Variants in ATG4A observed in about 807,000 individuals in gnomAD.
ATG4A encodes cysteine protease ATG4A.
Under a neutral mutation model 38.4 loss-of-function variants are expected in ATG4A, and 22 were observed. The observed-to-expected ratio is 0.57, with a 90% CI of 0.41 to 0.82. ATG4A has a LOEUF of 0.82. ATG4A is among the 40% of genes least tolerant of loss of function. The pLI, the probability that ATG4A is intolerant of heterozygous loss-of-function variation, is 0.00. For synonymous variants in ATG4A, 86 were observed against 100.7 expected (o/e 0.85, Z 0.88); for missense variants, 220 against 290.0 (o/e 0.76, Z 1.75).
chrX:108,118,333 T>C (rs192782203), intron 1 of ATG4A, among the ~76,000 whole-genome samples: 54 of 111,511 alleles, frequency 4.8e-4, no homozygotes, highest in Middle Eastern at 9.2e-3. Context: ...GAATCCAGCT[T>C]TTTTTTTCAT....
intron 4 of ATG4A, among the ~76,000 whole-genome samples, chrX:108,132,798 G>GAA (rs1336061229): frequency 2.7e-4 from 19 of 71,223 alleles, no homozygotes; most frequent in East Asian, 2.3e-3. Flanking sequence ...GAGCAAACTG[G>GAA]AAAAAAAAAA....
chrX:108,133,505 TGG>T (rs1047946228), intron 4 of ATG4A, among the ~76,000 whole-genome samples: 5 of 112,374 alleles, frequency 4.4e-5, no homozygotes, highest in African/African-American at 1.6e-4. Flanking sequence ...TTTTAAAAGG[TGG>T]TGTAAAAACG....
chrX:108,107,875 G>A (rs954715329), intron 1 of ATG4A, among the ~76,000 whole-genome samples: 2 of 111,022 alleles, frequency 1.8e-5, no homozygotes, highest in Non-Finnish European at 3.8e-5. Flanking sequence ...ATCATATGCC[G>A]GGGGACTCAT....
At chrX:108,147,265 C>G (rs2033447187) in intron 9 of ATG4A, among the ~76,000 whole-genome samples, 1 of 111,549 alleles carries the variant, frequency 9.0e-6, no homozygotes, top group South Asian at 3.8e-4. Context: ...AGGCTGATGA[C>G]AGCATGGGCC....
chrX:108,153,599 A>G lies in ATG4A; in HGVS notation c.1127-43A>G, dbSNP rs5973821. 3,082 of 1,085,784 alleles carry G rather than the reference A, an allele frequency of 2.8e-3. 54 individuals are homozygous for G. The African/African-American group carries it at 0.048, about 17-fold the overall frequency. 89.5% of individuals were successfully genotyped at this position (1,085,784 alleles called of 1,213,427 possible). On this transcript the variant is annotated intron_variant, in intron 12 of 12. Transcript: ENST00000372232. ...AAGTATTTACTGACCACTTCAACCC[A>G]AGTGTCAAGCTTTTCTTCTTTCTCA...
chrX:108,135,909 G>A (rs997861148), intron 6 of ATG4A, among the ~76,000 whole-genome samples: 4 of 108,664 alleles, frequency 3.7e-5, no homozygotes, highest in African/African-American at 6.7e-5. Context: ...TCAGCCTCCC[G>A]AGTAGCTGGG....
intron 2 of ATG4A, chrX:108,126,696 G>C: frequency 1.1e-6 from 1 of 916,874 alleles, no homozygotes; most frequent in Non-Finnish European, 1.4e-6. Flanking sequence ...CCGTAGCACT[G>C]TCTCAGTTTA....
At chrX:108,130,232 G>A in intron 3 of ATG4A, among the ~76,000 whole-genome samples, 1 of 111,206 alleles carries the variant, frequency 9.0e-6, no homozygotes, top group East Asian at 2.8e-4. Context: ...TGACCCACTT[G>A]TCCTACAAGG....
intron 1 of ATG4A, among the ~76,000 whole-genome samples, chrX:108,113,021 A>T (rs2032405138): frequency 9.0e-6 from 1 of 111,016 alleles, no homozygotes; most frequent in Admixed American, 9.6e-5. Context: ...AGGCTTCTTC[A>T]TTGGACTTGA....
At chrX:108,121,057 A>T (rs1452243680) in intron 1 of ATG4A, among the ~76,000 whole-genome samples, 1 of 112,037 alleles carries the variant, frequency 8.9e-6, no homozygotes, top group African/African-American at 3.2e-5. Flanking sequence ...AATCCACTTG[A>T]AATGCTAAGA....
intron 1 of ATG4A, among the ~76,000 whole-genome samples, chrX:108,122,190 A>C (rs2032670945): frequency 8.9e-6 from 1 of 112,323 alleles, no homozygotes; most frequent in Non-Finnish European, 1.9e-5. Flanking sequence ...GCCCTGTCAG[A>C]AAATTTGTTT....
Position 108,131,253 on chromosome X carries a change from C to G in ATG4A, c.194-7C>G, listed in dbSNP as rs777476911. The G allele has an allele frequency of 1.7e-5, 20 of 1,206,618 alleles. 1 individual carries two copies. The highest frequency in any genetic ancestry group is 2.1e-5 in the Non-Finnish European group (19 of 893,135). On this transcript the variant is annotated splice_polypyrimidine_tract_variant and splice_region_variant and intron_variant, in intron 3 of 12. Transcript: ENST00000372232. ...CCCATATTAATTCCCTTCCATTTTG[C>G]CAACAGGTGGAACGGGCCCTTCATC... is the stretch of plus-strand genomic sequence containing the variant.
intron 1 of ATG4A, among the ~76,000 whole-genome samples, chrX:108,102,689 T>C (rs917300193): frequency 1.8e-5 from 2 of 112,079 alleles, no homozygotes; most frequent in Non-Finnish European, 3.8e-5. Context: ...TATGTTTAAG[T>C]CTTTAATATA....
At chrX:108,127,762 A>G (rs1189806508) in intron 2 of ATG4A, among the ~76,000 whole-genome samples, 1 of 112,338 alleles carries the variant, frequency 8.9e-6, no homozygotes, top group African/African-American at 3.2e-5. Flanking sequence ...TTTTAAGTGC[A>G]GTGACTATAA....
At chrX:108,149,736 C>G (rs147149760) in intron 9 of ATG4A, among the ~76,000 whole-genome samples, 2,890 of 112,003 alleles carry the variant, frequency 0.026, 88 homozygotes, top group African/African-American at 0.09. Context: ...GGCTGAGAAC[C>G]AGCAGTCTAG....
rs369557333 is a variant in ATG4A at position 108,099,154 on chromosome X, T to C, written c.10+7318T>C. 1.2e-4 allele frequency among the ~76,000 whole-genome samples: 13 copies of C among 112,048 alleles called. No individual in the cohort carries two copies. The South Asian group carries it at 4.8e-3, about 41-fold the overall frequency. On this transcript the variant is annotated intron_variant, in intron 1 of 12. Coordinates refer to ENST00000372232, the MANE Select transcript of ATG4A (RefSeq NM_052936.5). ...TCTCCACATCCTTTCCAGCATTTGG[T>C]ATTCTCACTATTTTTTTTTTAAGTT...
chrX:108,136,170 GTTA>G (rs2033102719), intron 6 of ATG4A, among the ~76,000 whole-genome samples: 1 of 110,452 alleles, frequency 9.1e-6, no homozygotes, highest in African/African-American at 3.3e-5. Context: ...TTATATTATT[GTTA>G]TTATTCTGGG....
upstream of ATG4A, among the ~76,000 whole-genome samples, chrX:108,090,459 A>G (rs1487948454): frequency 1.8e-5 from 2 of 112,537 alleles, no homozygotes; most frequent in Non-Finnish European, 3.7e-5. Flanking sequence ...TTAAATTTAA[A>G]TCCTTAAATA....
chrX:108,118,355 A>G (rs980595532), intron 1 of ATG4A, among the ~76,000 whole-genome samples: 3 of 111,298 alleles, frequency 2.7e-5, no homozygotes, highest in Non-Finnish European at 5.7e-5. Context: ...ACAGCAATGT[A>G]TAGTGGGAAG....
Sources: allele counts gnomAD v4.1 joint callset (sites outside exome capture counted in the v4.1 genomes callset), GRCh38; gene constraint gnomAD v4.1.1; transcripts MANE v1.5; gene names NCBI Gene and HGNC (gene_info 2026-07-23, HGNC 2026-07-21).